MKI67: variants seen among roughly 807,000 people sequenced by gnomAD.
MKI67 encodes the protein proliferation marker protein Ki-67.
MKI67 carries 152 observed loss-of-function variants against 233.5 expected under a neutral mutation model. That is an observed-to-expected ratio of 0.65 (90% CI 0.57 to 0.74). MKI67 has a LOEUF of 0.74. Ranked by LOEUF, MKI67 falls within the 30% of genes least tolerant of loss-of-function variation. The probability of loss-of-function intolerance (pLI) is 0.00; values close to 1 mark genes in which losing one functional copy is unlikely to be tolerated. For synonymous variants in MKI67, 1,465 were observed against 1,418.5 expected (o/e 1.03, Z -0.74); for missense variants, 3,940 against 3,885.2 (o/e 1.01, Z -0.37).
chr10:128,116,004 T>G lies in MKI67; in HGVS notation c.404A>C (p.Glu135Ala), dbSNP rs754344197. ...ATAGGCCTTGGAATCTTGAGCTTTC[T>G]CATCTTGGCAATGAATTATGAAATA... ...SRSSFSSDPD[E>A]KAQDSKAYSK... The change falls in exon 7 of 15, where the codon GAG becomes GCG. Residue 135 changes from glutamate to alanine, a missense_variant. Coordinates refer to ENST00000368654, the MANE Select transcript of MKI67 (RefSeq NM_002417.5). The G allele has an allele frequency of 6.4e-7, 1 of 1,569,546 alleles. No individual in the cohort carries two copies. The highest frequency in any genetic ancestry group is 1.4e-5 in the African/African-American group (1 of 72,854).
rs906451673 is a variant in MKI67 at position 128,122,818 on chromosome 10, G to C, written c.287+63C>G. The stretch of plus-strand genomic sequence containing the variant: ...TTAAAGAAGAATGACAGTTGACTTT[G>C]ACACTAGTTTATGGTTAATCAGAAG... On this transcript the variant is annotated intron_variant, in intron 4 of 14. Transcript: ENST00000368654. 1.6e-5 allele frequency: 12 copies of C among 771,076 alleles called. No individual in the cohort carries two copies. The African/African-American group carries it at 1.9e-4, about 12-fold the overall frequency. The allele number at this position is 771,076 out of a possible 1,614,324, so 47.8% of individuals were successfully genotyped here. A position where few individuals can be genotyped will look rare whatever the true frequency, so the allele number is the denominator to read the frequency against.
chr10:128,108,602 C>T lies in MKI67; in HGVS notation c.3238G>A (p.Ala1080Thr), dbSNP rs374578167. ...ESPKQILDPAARVTGMKKWPR... is the reference protein window; with the variant it reads ...ESPKQILDPATRVTGMKKWPR... ...CACTTCTTCATTCCAGTTACACGGG[C>T]TGCTGGGTCCAGGATCTGCTTTGGA... Residue 1080 changes from alanine to threonine, a missense_variant, in exon 13 of 15, where the codon GCC becomes ACC. Transcript: ENST00000368654. 1.9e-6 allele frequency: 3 copies of T among 1,614,194 alleles called. No individual in the cohort carries two copies. Among genetic ancestry groups the T allele is most frequent in the African/African-American group, 1.3e-5 (1 of 75,038 alleles).
rs1171449562 is a variant in MKI67 at position 128,104,134 on chromosome 10, G to C, written c.7706C>G (p.Pro2569Arg). ...AGTCATTGACTCTTCAGTGTGACCT[G>C]GTGCTGAGAAGAGCTCTTTGAAGTC... is the stretch of plus-strand genomic sequence containing the variant. ...LVDFKELFSAPGHTEESMTID... is the reference protein window; with the variant it reads ...LVDFKELFSARGHTEESMTID... The change falls in exon 13 of 15, where the codon CCA becomes CGA. Residue 2569 changes from proline (P) to arginine (R), a missense_variant. Pro to Arg is a moderately radical substitution (Grantham distance 103). Coordinates refer to ENST00000368654, the MANE Select transcript of MKI67 (RefSeq NM_002417.5). The C allele has an allele frequency of 3.7e-6, 6 of 1,614,108 alleles. No homozygotes were observed. Among genetic ancestry groups the C allele is most frequent in the Non-Finnish European group, 5.1e-6 (6 of 1,180,014 alleles).
At position 128,103,389 on chromosome 10, in the gene MKI67, A is replaced by G. The variant is rs763269108; in HGVS notation, c.8451T>C (p.Asp2817=). The stretch of plus-strand genomic sequence containing the variant: ...TGCAGGGTATTTTAGTGGTTTTGTC[A>G]TCAGTCATTGATTCTTCAGTGTGAC... ...AAGHTEESMT[D]DKTTKIPCKS... Residue 2817 remains aspartate (D), a synonymous_variant, in exon 13 of 15, where the codon GAT becomes GAC. Transcript: ENST00000368654. 7.4e-6 allele frequency: 12 copies of G among 1,613,542 alleles called. No homozygotes were observed. The highest frequency in any genetic ancestry group is 1.0e-5 in the Non-Finnish European group (12 of 1,179,932).
Position 128,104,712 on chromosome 10 carries a change from G to A in MKI67, c.7128C>T (p.Leu2376=), listed in dbSNP as rs2136129677. Residue 2376 remains leucine (L), a synonymous_variant, in exon 13 of 15, where the codon CTC becomes CTT. Coordinates refer to ENST00000368654, the MANE Select transcript of MKI67 (RefSeq NM_002417.5). ...KADVEEEFLA[L]RKRTPSAGKA... is the part of the protein sequence containing the mutation. ...TGCCTGCTGATGGTGTTCGTTTCCT[G>A]AGTGCTAAAAATTCTTCCTCTACGT... 6.2e-7 allele frequency: 1 copy of A among 1,614,112 alleles called. No individual in the cohort carries two copies. The highest frequency in any genetic ancestry group is 8.5e-7 in the Non-Finnish European group (1 of 1,180,042).
Position 128,108,461 on chromosome 10 carries a change from T to A in MKI67, c.3379A>T (p.Ile1127Leu), listed in dbSNP as rs980509596. The A allele has an allele frequency of 3.1e-6, 5 of 1,613,742 alleles. No individual in the cohort carries two copies. The highest frequency in any genetic ancestry group is 1.7e-5 in the Admixed American group (1 of 59,962). ...TCTGGTGGTGGAGATTTGCAGGCTA[T>A]TTTGGTAGTTTTCTCATCAGTCATT... ...ESMTDEKTTK[I>L]ACKSPPPESV... The change falls in exon 13 of 15, where the codon ATA becomes TTA. Residue 1127 changes from isoleucine to leucine, a missense_variant. Physicochemically the swap from Ile to Leu is conservative, Grantham distance 5. Transcript: ENST00000368654.
In MKI67 at chr10:128,107,510, G is replaced by T. The variant is rs150235556; in HGVS notation, c.4330C>A (p.Pro1444Thr). 14 of 1,613,886 alleles carry T rather than the reference G, an allele frequency of 8.7e-6. No homozygotes were observed. Among genetic ancestry groups the T allele is most frequent in the Admixed American group, 1.7e-5 (1 of 59,976 alleles). The stretch of plus-strand genomic sequence containing the variant: ...TTGCTACCAGTTACACTTGCTGCTG[G>T]GTCCAGTTTCTGTTTTGCAGTTTCC... ...FRETAKQKLD[P>T]AASVTGSKRH... is the part of the protein sequence containing the mutation. Residue 1444 changes from proline (P) to threonine (T), a missense_variant, in exon 13 of 15, where the codon CCA becomes ACA. By Grantham distance (38) the Pro-to-Thr change is conservative. Transcript: ENST00000368654.
At chr10:128,100,906 C>T (rs937142670) in intron 14 of MKI67, among the ~76,000 whole-genome samples, 1 of 152,114 alleles carries the variant, frequency 6.6e-6, no homozygotes, top group African/African-American at 2.4e-5. Flanking sequence ...TTTCCTGTTT[C>T]AAGAGGTGAT....
rs1469099036 is a variant in MKI67 at position 128,107,816 on chromosome 10, C to G, written c.4024G>C (p.Ala1342Pro). Residue 1342 changes from alanine (A) to proline (P), a missense_variant, in exon 13 of 15, where the codon GCT (alanine) becomes CCT (proline). By Grantham distance (27) the Ala-to-Pro change is conservative. Transcript: ENST00000368654. ...TTAAAGCCAGTCAGGTCTTCCAGAG[C>G]CTGGGCCTCTTCCTTAGGAGTTTGT... ...RPQTPKEEAQ[A>P]LEDLTGFKEL... 6.2e-7 allele frequency: 1 copy of G among 1,613,678 alleles called. No individual in the cohort carries two copies. Among genetic ancestry groups the G allele is most frequent in the East Asian group, 2.2e-5 (1 of 44,846 alleles).
At position 128,115,793 on chromosome 10, in the gene MKI67, T is replaced by G; in HGVS notation, c.615A>C (p.Glu205Asp). Residue 205 changes from glutamate (E) to aspartate (D), a missense_variant, in exon 7 of 15, where the codon GAA (glutamate) becomes GAC (aspartate). By Grantham distance (45) the Glu-to-Asp change is conservative. Transcript: ENST00000368654. ...AADPISGDFK[E>D]ISSVKLVSRY... ...GGCTCACTAATTTAACGCTGGAAAT[T>G]TCTTTAAAATCCCCAGAAATGGGAT... 1 of 1,611,986 alleles carries G rather than the reference T, an allele frequency of 6.2e-7. No individual in the cohort carries two copies. Among genetic ancestry groups the G allele is most frequent in the Non-Finnish European group, 8.5e-7 (1 of 1,180,024 alleles).
Position 128,107,354 on chromosome 10 carries a change from A to T in MKI67, c.4486T>A (p.Ser1496Thr). 1 of 1,612,592 alleles carries T rather than the reference A, an allele frequency of 6.2e-7. No homozygotes were observed. The stretch of plus-strand genomic sequence containing the variant: ...GGTGTGTCCACTGGGTCTGGTTGTG[A>T]TCTGCAGGCTATTTTGGTAGTTTTC... ...HEKTTKIACR[S>T]QPDPVDTPTS... is the part of the protein sequence containing the mutation. Residue 1496 changes from serine (S) to threonine (T), a missense_variant, in exon 13 of 15, where the codon TCA becomes ACA. Coordinates refer to ENST00000368654, the MANE Select transcript of MKI67 (RefSeq NM_002417.5).
Position 128,108,697 on chromosome 10 carries a change from G to C in MKI67, c.3143C>G (p.Ser1048Ter). Reference protein sequence around the residue: ...LLAVGKFTRTSGETTHTHREP... With the variant: ...LLAVGKFTRT ...TCTGTGCGTGTGCGTGGTCTCCCCTGACGTCCGTGTGAACTTGCCGACTGC... is the reference window on the plus strand; with the variant it reads ...TCTGTGCGTGTGCGTGGTCTCCCCTCACGTCCGTGTGAACTTGCCGACTGC... The change falls in exon 13 of 15, where the codon TCA (serine) becomes TGA (stop). Residue 1048 changes from serine (S) to a stop codon, truncating the protein, a stop_gained. Coordinates refer to ENST00000368654, the MANE Select transcript of MKI67 (RefSeq NM_002417.5). LOFTEE classifies it high-confidence loss of function. 2 of 1,614,198 alleles carry C rather than the reference G, an allele frequency of 1.2e-6. No homozygotes were observed. Among genetic ancestry groups the C allele is most frequent in the Non-Finnish European group, 1.7e-6 (2 of 1,180,036 alleles).
Position 128,108,138 on chromosome 10 carries a change from A to G in MKI67, c.3702T>C (p.Pro1234=). 1 of 1,612,928 alleles carries G rather than the reference A, an allele frequency of 6.2e-7. No individual in the cohort carries two copies. The highest frequency in any genetic ancestry group is 2.2e-5 in the East Asian group (1 of 44,774). The part of the protein sequence containing the change: ...LAGFKELFQT[P]GHTEELVAAG... ...CAGCCACTAATTCCTCGGTGTGACC[A>G]GGAGTCTGGAAGAGCTCTTTAAAGC... Residue 1234 remains proline, a synonymous_variant, in exon 13 of 15, where the codon CCT becomes CCC. Coordinates refer to ENST00000368654, the MANE Select transcript of MKI67 (RefSeq NM_002417.5).
chr10:128,122,004 T>C (rs78315976), intron 4 of MKI67, among the ~76,000 whole-genome samples: 15,502 of 152,064 alleles, frequency 0.1, 1,013 homozygotes, highest in African/African-American at 0.18. Flanking sequence ...GTTTATGATA[T>C]CCTAAAAGCC....
intron 4 of MKI67, among the ~76,000 whole-genome samples, chr10:128,120,348 C>A (rs753179910): frequency 6.6e-6 from 1 of 151,874 alleles, no homozygotes; most frequent in Non-Finnish European, 1.5e-5. Context: ...AAAAATTAGC[C>A]GGGTGTTGTG....
chr10:128,107,890 A>C lies in MKI67; in HGVS notation c.3950T>G (p.Val1317Gly), dbSNP rs1852553217. Residue 1317 changes from valine to glycine, a missense_variant, in exon 13 of 15, where the codon GTG becomes GGG. Val to Gly is a moderately radical substitution (Grantham distance 109). Coordinates refer to ENST00000368654, the MANE Select transcript of MKI67 (RefSeq NM_002417.5). ...KDIIIFVGTP[V>G]QKLDLTENLT... ...GTTCTCTGTCAGGTCCAGTTTCTGC[A>C]CTGGAGTTCCCACAAATATGATGAT... 6.2e-7 allele frequency: 1 copy of C among 1,613,100 alleles called. No homozygotes were observed. The highest frequency in any genetic ancestry group is 1.1e-5 in the South Asian group (1 of 91,046).
chr10:128,096,902 C>T lies in MKI67; in HGVS notation c.*2288G>A, dbSNP rs1207248199. On this transcript the variant is annotated 3_prime_UTR_variant, in exon 15 of 15. Transcript: ENST00000368654. ...GAGGACAGGCATGGGGGTGAGGGAA[C>T]CCACAGGCAAGAAGCCTCCCTTAAG... The T allele has an allele frequency of 6.6e-6, 1 of 152,216 alleles. No individual in the cohort carries two copies. The highest frequency in any genetic ancestry group is 1.5e-5 in the Non-Finnish European group (1 of 68,080). The allele number at this position is 152,216 out of a possible 1,614,324, so 9.4% of individuals were successfully genotyped here.
chr10:128,109,512 A>G, intron 12 of MKI67, 89 bp from the exon 13 acceptor site: 1 of 1,412,606 alleles, frequency 7.1e-7, no homozygotes, highest in Non-Finnish European at 9.5e-7. Flanking sequence ...GTAAAAAACT[A>G]AATATTTAGC....
At position 128,109,204 on chromosome 10, in the gene MKI67, G is replaced by A. The variant is rs748025689; in HGVS notation, c.2636C>T (p.Thr879Ile). 19 of 1,613,976 alleles carry A rather than the reference G, an allele frequency of 1.2e-5. No individual in the cohort carries two copies. The Admixed American group carries it at 2.2e-4, about 18-fold the overall frequency. Residue 879 changes from threonine (T) to isoleucine (I), a missense_variant, in exon 13 of 15, where the codon ACA becomes ATA. Thr to Ile is a moderately conservative substitution (Grantham distance 89). Coordinates refer to ENST00000368654, the MANE Select transcript of MKI67 (RefSeq NM_002417.5). Reference sequence around the variant, plus strand: ...TAGCTTCTGTATATTCCTGAACTCTGTAGACCTTCCTGACCTGTTTGCAGT... The same window carrying A: ...TAGCTTCTGTATATTCCTGAACTCTATAGACCTTCCTGACCTGTTTGCAGT... ...VSTANRSGRS[T>I]EFRNIQKLPV... is the part of the protein sequence containing the mutation.
Sources: gnomAD v4.1 joint callset for allele counts (sites outside exome capture counted in the v4.1 genomes callset) on GRCh38, gnomAD v4.1.1 for gene constraint, MANE v1.5 for transcripts, NCBI Gene and HGNC (gene_info 2026-07-23, HGNC 2026-07-21) for gene names.